The following SH3BP1 variants were observed in gnomAD, a reference collection of about 807,000 sequenced individuals.
SH3BP1 encodes the protein SH3 domain-binding protein 1.
Under a neutral mutation model 69.8 loss-of-function variants are expected in SH3BP1, and 46 were observed. That is an observed-to-expected ratio of 0.66 (90% CI 0.52 to 0.84). The LOEUF (loss-of-function observed/expected upper bound fraction) is 0.84, where lower values mean the gene tolerates loss of function less well. SH3BP1 is among the 40% of genes least tolerant of loss of function. The probability of loss-of-function intolerance (pLI) is 0.00; values close to 1 mark genes in which losing one functional copy is unlikely to be tolerated. For missense variants in SH3BP1, 868 were observed against 930.9 expected (o/e 0.93, Z 0.88); for synonymous variants, 403 against 378.0 (o/e 1.07, Z -0.77).
At chr22:37,648,938 C>G (rs1021127592) in intron 14 of SH3BP1, 1 of 158,514 alleles carries the variant, frequency 6.3e-6, no homozygotes, top group African/African-American at 2.4e-5. Context: ...CTCCTCAGCT[C>G]GTGATCCACC....
intron 3 of SH3BP1, chr22:37,642,063 A>G: frequency 1.1e-5 from 2 of 179,194 alleles, no homozygotes; most frequent in South Asian, 1.1e-4. Context: ...GTAACTCCAG[A>G]TGGGGTGGGA....
chr22:37,654,028 G>C (rs572050005), intron 17 of SH3BP1, among the ~76,000 whole-genome samples, 155 bp downstream of exon 17: 3 of 152,272 alleles, frequency 2.0e-5, no homozygotes, highest in Admixed American at 2.0e-4. Context: ...TCTGGGTTTA[G>C]ATTTGACCTT....
chr22:37,655,555 C>A lies in SH3BP1; in HGVS notation c.1977C>A (p.Asn659Lys). 6.3e-7 allele frequency: 1 copy of A among 1,593,382 alleles called. No homozygotes were observed. The change falls in exon 18 of 18, where the codon AAC becomes AAA. Residue 659 changes from asparagine to lysine, a missense_variant. Coordinates refer to ENST00000649765, the MANE Select transcript of SH3BP1 (RefSeq NM_018957.6). ...CCCCCAGCCCAGTCTCTTTGAGTAA[C>A]CCTGCACAGGTGGACCTGGGGGCTG... ...PASPSPVSLSNPAQVDLGAAT... is the reference protein window; with the variant it reads ...PASPSPVSLSKPAQVDLGAAT...
chr22:37,641,064 C>A, intron 1 of SH3BP1, 62 bp from the exon 2 acceptor site: 1 of 1,115,392 alleles, frequency 9.0e-7, no homozygotes, highest in Non-Finnish European at 1.3e-6. Context: ...AAGTAGGGGG[C>A]GTTCTAACCC....
chr22:37,643,486 C>A, intron 6 of SH3BP1, 158 bp from the exon 7 acceptor site: 1 of 1,027,046 alleles, frequency 9.7e-7, no homozygotes, highest in Non-Finnish European at 1.4e-6. Context: ...CAACCCAGAG[C>A]ACTCATGGCC....
At chr22:37,649,891 T>C (rs1932845856) in intron 14 of SH3BP1, 9 of 579,474 alleles carry the variant, frequency 1.6e-5, no homozygotes, top group Non-Finnish European at 1.9e-5. Flanking sequence ...CACGTGCTGA[T>C]TGCATTTGCT....
intron 13 of SH3BP1, among the ~76,000 whole-genome samples, 159 bp from the exon 14 acceptor site, chr22:37,648,160 C>G (rs1463484646): frequency 6.6e-6 from 1 of 152,202 alleles, no homozygotes; most frequent in African/African-American, 2.4e-5. Context: ...GGCTCAGTGC[C>G]CACTGCAGGG....
chr22:37,644,424 GAC>G (rs372679402), intron 7 of SH3BP1, among the ~76,000 whole-genome samples: 41 of 152,338 alleles, frequency 2.7e-4, no homozygotes, highest in African/African-American at 9.6e-4. Flanking sequence ...AGTCTATGGA[GAC>G]ACAGAGATGG....
intron 16 of SH3BP1, among the ~76,000 whole-genome samples, chr22:37,653,486 A>G (rs1486263352): frequency 2.6e-5 from 4 of 152,114 alleles, no homozygotes; most frequent in African/African-American, 4.8e-5. Context: ...GTCAGGCCCT[A>G]TGTCCCACCT....
intron 3 of SH3BP1, 40 bp downstream of exon 3, chr22:37,641,518 G>A: frequency 6.7e-7 from 1 of 1,492,904 alleles, no homozygotes; most frequent in Non-Finnish European, 9.0e-7. Context: ...CTGAGCAGGA[G>A]ACTTCCATCC....
At chr22:37,643,327 G>A (rs1932679669) in intron 6 of SH3BP1, 153 bp downstream of exon 6, 2 of 724,656 alleles carry the variant, frequency 2.8e-6, no homozygotes, top group Non-Finnish European at 2.3e-6. Context: ...AGGAGCACAG[G>A]TGGTTAGCGT....
intron 17 of SH3BP1, 132 bp from the exon 18 acceptor site, chr22:37,655,130 ACGATGAGGAG>A: frequency 1.6e-6 from 1 of 632,062 alleles, no homozygotes; most frequent in Non-Finnish European, 2.6e-6. Context: ...AGAGGCCTAG[ACGATGAGGAG>A]CCAGCCGCAG....
chr22:37,645,025 C>A, intron 9 of SH3BP1, 65 bp downstream of exon 9: 1 of 1,405,054 alleles, frequency 7.1e-7, no homozygotes, highest in Non-Finnish European at 9.9e-7. Context: ...TATTGAGAAG[C>A]TCGCACTTCA....
At position 37,645,396 on chromosome 22, in the gene SH3BP1, C is replaced by T. The variant is rs1016592634; in HGVS notation, c.810C>T (p.Phe270=). 22 of 1,613,328 alleles carry T rather than the reference C, an allele frequency of 1.4e-5. No individual in the cohort carries two copies. The highest frequency in any genetic ancestry group is 1.9e-5 in the Non-Finnish European group (22 of 1,179,400). Residue 270 remains phenylalanine (F), a synonymous_variant, in exon 10 of 18, where the codon TTC becomes TTT. Transcript: ENST00000649765. The part of the protein sequence containing the change: ...DHSPSMTATH[F]PRVYGVSLAT... ...CCCCTTCGATGACAGCCACCCACTT[C>T]CCCAGGGTGTATGGGGTGTCGCTGG...
intron 1 of SH3BP1, chr22:37,640,898 C>T: frequency 1.7e-6 from 1 of 573,016 alleles, no homozygotes; most frequent in Non-Finnish European, 3.1e-6. Context: ...TCTCAGGACA[C>T]AGCCCTGGGT....
At position 37,643,146 on chromosome 22, in the gene SH3BP1, G is replaced by A. The variant is rs367668478; in HGVS notation, c.445G>A (p.Val149Met). 19 of 1,608,234 alleles carry A rather than the reference G, an allele frequency of 1.2e-5. No homozygotes were observed. The highest frequency in any genetic ancestry group is 6.7e-5 in the African/African-American group (5 of 74,698). ...ACACAAGAAAAGCCTCCAGAAGCTCGTGTCCGACTGGAACACACTCAAGAG... is the reference window on the plus strand; with the variant it reads ...ACACAAGAAAAGCCTCCAGAAGCTCATGTCCGACTGGAACACACTCAAGAG... ...LKHKKSLQKL[V>M]SDWNTLKSRL... The change falls in exon 6 of 18, where the codon GTG (valine) becomes ATG (methionine). Residue 149 changes from valine to methionine, a missense_variant. Physicochemically the swap from Val to Met is conservative, Grantham distance 21. Transcript: ENST00000649765.
rs180778911 is a variant in SH3BP1, at chr22:37,647,631, T to C, written c.1199+110T>C. 1.0e-4 allele frequency: 71 copies of C among 694,542 alleles called. 2 individuals carry two copies. In the East Asian group the frequency reaches 2.2e-3, roughly 22 times the overall value. The allele number at this position is 694,542 out of a possible 1,614,324, so 43.0% of individuals were successfully genotyped here. On this transcript the variant is annotated intron_variant, in intron 13 of 17. Coordinates refer to ENST00000649765, the MANE Select transcript of SH3BP1 (RefSeq NM_018957.6). ...GGCCTTGCCACTGTATCCTAAGAAA[T>C]ATTACTGAAAATGCAGCTTTGATGG...
rs1166432501 is a variant in SH3BP1 at position 37,656,084 on chromosome 22, TAAA to T, written c.*401_*403del. On this transcript the variant is annotated 3_prime_UTR_variant, in exon 18 of 18. Transcript: ENST00000649765. ...ATAGTTTTATTTTCTGTCCTTGAAA[TAAA>T]GAAGCCAATTTTATAAAGGGGAAAA... 1.1e-5 allele frequency: 14 copies of T among 1,301,018 alleles called. No homozygotes were observed. Among genetic ancestry groups the T allele is most frequent in the Non-Finnish European group, 1.4e-5 (14 of 991,788 alleles). 80.6% of individuals were successfully genotyped at this position (1,301,018 alleles called of 1,614,324 possible).
chr22:37,642,817 G>A, intron 4 of SH3BP1, 78 bp from the exon 5 acceptor site: 1 of 1,590,688 alleles, frequency 6.3e-7, no homozygotes, highest in Middle Eastern at 1.7e-4. Context: ...GGAAGTGAGG[G>A]AGGAGAGGCC....
Sources: allele counts gnomAD v4.1 joint callset (sites outside exome capture counted in the v4.1 genomes callset), GRCh38; gene constraint gnomAD v4.1.1; transcripts MANE v1.5; gene names NCBI Gene and HGNC (gene_info 2026-07-23, HGNC 2026-07-21).